Variants in SMAD1 observed in about 807,000 individuals in gnomAD.
The protein encoded by SMAD1 is MAD, mothers against decapentaplegic homolog 1.
SMAD1 carries 6 observed loss-of-function variants against 41.6 expected under a neutral mutation model. That is an observed-to-expected ratio of 0.14 (90% CI 0.08 to 0.28). The LOEUF is 0.28. Ranked by LOEUF, SMAD1 falls within the 10% of genes least tolerant of loss-of-function variation. SMAD1 has a pLI of 1.00. For missense variants in SMAD1, 379 were observed against 582.6 expected, an observed-to-expected ratio of 0.65 and a Z score of 3.60; for synonymous variants, 206 against 203.2, an observed-to-expected ratio of 1.01 and a Z score of -0.12.
At chr4:145,515,136 G>C (rs1730303312) in intron 2 of SMAD1, 123 bp downstream of exon 2, 1 of 175,536 alleles carries the variant, frequency 5.7e-6, no homozygotes, top group Admixed American at 1.3e-4. Flanking sequence ...TGGGGAAACT[G>C]TGTGTGTGTG....
intron 1 of SMAD1, among the ~76,000 whole-genome samples, chr4:145,499,150 T>C (rs1234485284): frequency 1.3e-5 from 2 of 152,188 alleles, no homozygotes; most frequent in Non-Finnish European, 2.9e-5. Flanking sequence ...AAGATTTAAC[T>C]CCTGGTTGTT....
At chr4:145,551,111 T>G (rs1283895890) in intron 5 of SMAD1, among the ~76,000 whole-genome samples, 1 of 152,128 alleles carries the variant, frequency 6.6e-6, no homozygotes, top group Admixed American at 6.6e-5. Flanking sequence ...AAGAAAAAAT[T>G]ATCGGCATTA....
Position 145,514,153 on chromosome 4 carries a change from G to A in SMAD1, c.-176-285G>A, listed in dbSNP as rs959259195. On this transcript the variant is annotated intron_variant, in intron 1 of 6. Transcript: ENST00000302085. The surrounding 1 kb of genome is among the most constrained non-coding windows in gnomAD (Gnocchi z 4.7). ...GTACCCTCAGTGTGTGTGCATAGAG[G>A]CTGGAGGAGGGAGATAGCAATCTTA... 2.0e-5 allele frequency among the ~76,000 whole-genome samples: 3 copies of A among 152,142 alleles called. No homozygotes were observed. Among genetic ancestry groups the A allele is most frequent in the Non-Finnish European group, 4.4e-5 (3 of 68,026 alleles).
At chr4:145,554,117 A>G (rs1732710227) in intron 6 of SMAD1, 77 bp downstream of exon 6, 2 of 1,216,508 alleles carry the variant, frequency 1.6e-6, no homozygotes, top group Admixed American at 2.3e-5. Context: ...TTGGCGATAT[A>G]TGAATCTATA....
intron 1 of SMAD1, among the ~76,000 whole-genome samples, chr4:145,495,231 A>T: frequency 6.6e-6 from 1 of 152,196 alleles, no homozygotes; most frequent in East Asian, 1.9e-4. Context: ...AGGATAAAAA[A>T]GGGGATCAGG....
At chr4:145,534,929 T>G (rs1731529750) in intron 2 of SMAD1, among the ~76,000 whole-genome samples, 3 of 151,488 alleles carry the variant, frequency 2.0e-5, no homozygotes, top group African/African-American at 2.4e-5. Flanking sequence ...AAAATATACA[T>G]AAGTGAAAAG....
intron 2 of SMAD1, among the ~76,000 whole-genome samples, chr4:145,536,697 C>G (rs1731633012): frequency 1.3e-5 from 2 of 152,028 alleles, no homozygotes; most frequent in East Asian, 1.9e-4. Flanking sequence ...TTTATTCAAG[C>G]AAAATGGATG....
intron 1 of SMAD1, among the ~76,000 whole-genome samples, chr4:145,488,120 CT>C (rs373681989): frequency 0.057 from 8,302 of 144,860 alleles, 254 homozygotes; most frequent in South Asian, 0.15. Flanking sequence ...GAAAAAGGAA[CT>C]TTTTTTTTTT....
chr4:145,515,143 T>TGTGC lies in SMAD1; in HGVS notation c.400+133_400+134insCGTG, dbSNP rs1396893222. 6.6e-6 allele frequency: 4 copies of TGTGC among 610,496 alleles called. No individual in the cohort carries two copies. The South Asian group carries it at 7.6e-5, about 12-fold the overall frequency. The allele number at this position is 610,496 out of a possible 1,614,324, so 37.8% of individuals were successfully genotyped here. A position where few individuals can be genotyped will look rare whatever the true frequency, so the allele number is the denominator to read the frequency against. On this transcript the variant is annotated intron_variant, in intron 2 of 6. Transcript: ENST00000302085. ...AAAATATTTGGGGAAACTGTGTGTG[T>TGTGC]GTGTGTGTGTGTGTGTGTGTGTGTG...
intron 1 of SMAD1, among the ~76,000 whole-genome samples, chr4:145,506,328 G>T (rs1470600473): frequency 6.6e-6 from 1 of 152,102 alleles, no homozygotes. Context: ...AAGAAGTAGG[G>T]GGAGAAAAGA....
intron 2 of SMAD1, among the ~76,000 whole-genome samples, chr4:145,535,800 A>G (rs1731579288): frequency 6.6e-6 from 1 of 152,140 alleles, no homozygotes; most frequent in African/African-American, 2.4e-5. Context: ...TACACACAAT[A>G]AGAATGAGAG....
At chr4:145,550,358 T>A (rs1319703404) in intron 5 of SMAD1, among the ~76,000 whole-genome samples, 1 of 151,886 alleles carries the variant, frequency 6.6e-6, no homozygotes, top group Admixed American at 6.6e-5. Flanking sequence ...TACTAAAAAT[T>A]AGAAATTAGC....
chr4:145,487,022 C>G (rs1728511329), intron 1 of SMAD1, among the ~76,000 whole-genome samples: 2 of 152,054 alleles, frequency 1.3e-5, no homozygotes, highest in Non-Finnish European at 2.9e-5. Flanking sequence ...ATTGTTTGAG[C>G]TAAGTAGGAA....
chr4:145,503,336 T>C (rs1483259983), intron 1 of SMAD1, among the ~76,000 whole-genome samples: 1 of 152,188 alleles, frequency 6.6e-6, no homozygotes. Context: ...TTGGTTTAAA[T>C]ACATTTTTCC....
At chr4:145,501,618 G>T (rs1274974935) in intron 1 of SMAD1, among the ~76,000 whole-genome samples, 1 of 150,740 alleles carries the variant, frequency 6.6e-6, no homozygotes, top group Non-Finnish European at 1.5e-5. Context: ...TCCAAAACAT[G>T]AAATACAGCA....
rs1732708942 is a variant in SMAD1, at chr4:145,554,108, T to G, written c.1254+68T>G. 4 of 921,666 alleles carry G rather than the reference T, an allele frequency of 4.3e-6. No individual in the cohort carries two copies. In the South Asian group the frequency reaches 4.7e-5, roughly 11 times the overall value. 57.1% of individuals were successfully genotyped at this position (921,666 alleles called of 1,614,324 possible). ...TTGCTGTGCTTTTTTTTTTTTTTTT[T>G]GGCGATATATGAATCTATATCCTCT... On this transcript the variant is annotated intron_variant, in intron 6 of 6. Transcript: ENST00000302085.
rs1469014194 is a variant in SMAD1, at chr4:145,557,989, G to A, written c.*55G>A. 7.2e-7 allele frequency: 1 copy of A among 1,387,280 alleles called. No homozygotes were observed. The highest frequency in any genetic ancestry group is 1.4e-5 in the African/African-American group (1 of 70,434). 85.9% of individuals were successfully genotyped at this position (1,387,280 alleles called of 1,614,324 possible). On this transcript the variant is annotated 3_prime_UTR_variant, in exon 7 of 7. Transcript: ENST00000302085. ...TATTGAGCCTTGCATGTACTTGAAG[G>A]ATGGATGAGTCAGACACGATTGAGA...
At chr4:145,493,414 TAAC>T (rs1199949036) in intron 1 of SMAD1, among the ~76,000 whole-genome samples, 1 of 152,246 alleles carries the variant, frequency 6.6e-6, no homozygotes, top group Non-Finnish European at 1.5e-5. Context: ...ACATATTTAA[TAAC>T]AACCTCTTTA....
At chr4:145,484,001 T>G (rs17020201) in intron 1 of SMAD1, among the ~76,000 whole-genome samples, 9,412 of 152,238 alleles carry the variant, frequency 0.062, 823 homozygotes, top group African/African-American at 0.2. Flanking sequence ...CTAAGTTCAT[T>G]AAGGCATTAA....
Sources: allele counts gnomAD v4.1 joint callset (sites outside exome capture counted in the v4.1 genomes callset), GRCh38; gene constraint gnomAD v4.1.1; non-coding constraint Gnocchi (gnomAD v3.1); transcripts MANE v1.5; gene names NCBI Gene and HGNC (gene_info 2026-07-23, HGNC 2026-07-21).